The following ZFPM2 variants were observed in gnomAD, a reference collection of about 807,000 sequenced individuals.
ZFPM2 encodes the protein zinc finger protein, FOG family member 2.
A neutral mutation model predicts 98.6 loss-of-function variants in ZFPM2; 20 were observed. That is an observed-to-expected ratio of 0.20 (90% CI 0.14 to 0.29). The LOEUF (loss-of-function observed/expected upper bound fraction) is 0.29. Among genes scored for constraint, ZFPM2 ranks in the 10% least tolerant of loss-of-function variants. ZFPM2 has a pLI of 1.00. For synonymous variants in ZFPM2, 518 were observed against 502.7 expected (o/e 1.03, Z -0.41); for missense variants, 1,310 against 1,388.6 (o/e 0.94, Z 0.90).
At chr8:105,696,045 G>T (rs1353846571) in intron 5 of ZFPM2, among the ~76,000 whole-genome samples, 3 of 152,104 alleles carry the variant, frequency 2.0e-5, no homozygotes, top group Admixed American at 1.3e-4. Context: ...AGTAATTAGG[G>T]CTCATCTCTA....
chr8:105,632,733 GCTT>G (rs1563751140), intron 4 of ZFPM2, among the ~76,000 whole-genome samples: 1 of 152,024 alleles, frequency 6.6e-6, no homozygotes. Context: ...TTTTCGCAAG[GCTT>G]TTAGAGAACT....
At chr8:105,440,671 G>C (rs1812218805) in intron 2 of ZFPM2, among the ~76,000 whole-genome samples, 1 of 152,178 alleles carries the variant, frequency 6.6e-6, no homozygotes, top group African/African-American at 2.4e-5. Flanking sequence ...GGTCTCAAAA[G>C]ACACGAGAGA....
intron 4 of ZFPM2, among the ~76,000 whole-genome samples, chr8:105,571,545 T>C (rs1359009039): frequency 1.3e-5 from 2 of 152,228 alleles, no homozygotes; most frequent in Admixed American, 6.5e-5. Context: ...TTAAATTCTT[T>C]CTATTTGATG....
intron 3 of ZFPM2, among the ~76,000 whole-genome samples, chr8:105,517,707 C>CACCACACACACACACACACACACCA (rs61552974): frequency 3.2e-5 from 4 of 124,890 alleles, no homozygotes; most frequent in African/African-American, 1.3e-4. Flanking sequence ...CACACACACA[C>CACCACACACACACACACACACACCA]CACACACACA....
chr8:105,717,403 G>A (rs1017402075), intron 5 of ZFPM2, among the ~76,000 whole-genome samples: 4 of 151,944 alleles, frequency 2.6e-5, no homozygotes, highest in African/African-American at 4.8e-5. Context: ...GCAAGACCTA[G>A]TATTTACTAA....
chr8:105,327,288 A>G (rs1393543027), intron 1 of ZFPM2, among the ~76,000 whole-genome samples: 1 of 151,746 alleles, frequency 6.6e-6, no homozygotes, highest in Admixed American at 6.6e-5. Flanking sequence ...AATTTTAAAA[A>G]TATGAATAGA....
At chr8:105,428,561 C>T (rs535143708) in intron 2 of ZFPM2, among the ~76,000 whole-genome samples, 28 of 152,228 alleles carry the variant, frequency 1.8e-4, no homozygotes, top group African/African-American at 6.3e-4. Context: ...TGAGGACACA[C>T]CAAAATGTGT....
intron 3 of ZFPM2, among the ~76,000 whole-genome samples, chr8:105,530,463 A>G (rs1315962388): frequency 1.3e-5 from 2 of 152,186 alleles, no homozygotes; most frequent in Non-Finnish European, 2.9e-5. Flanking sequence ...TCGGGAGGCT[A>G]GAAGTCCAAG....
intron 5 of ZFPM2, among the ~76,000 whole-genome samples, chr8:105,735,527 T>C (rs1812046326): frequency 6.6e-6 from 1 of 151,910 alleles, no homozygotes; most frequent in African/African-American, 2.4e-5. Flanking sequence ...ATGAAAACAA[T>C]GTTTAGGAAA....
At chr8:105,427,670 T>C (rs1014715831) in intron 2 of ZFPM2, among the ~76,000 whole-genome samples, 12 of 152,200 alleles carry the variant, frequency 7.9e-5, no homozygotes, top group African/African-American at 2.7e-4. Context: ...ATGGGAAATG[T>C]AGAAAGCTGT....
intron 3 of ZFPM2, among the ~76,000 whole-genome samples, chr8:105,502,817 G>T (rs1272777610): frequency 1.3e-5 from 2 of 152,104 alleles, no homozygotes; most frequent in African/African-American, 4.8e-5. Context: ...CCATACTTGG[G>T]TTAGGTGAGT....
At chr8:105,535,992 T>C (rs868655773) in intron 3 of ZFPM2, among the ~76,000 whole-genome samples, 2 of 152,186 alleles carry the variant, frequency 1.3e-5, no homozygotes, top group South Asian at 4.1e-4. Context: ...GCATAGGCAA[T>C]AGGCCTTGAC....
chr8:105,726,389 C>A (rs1403303886), intron 5 of ZFPM2, among the ~76,000 whole-genome samples: 1 of 151,626 alleles, frequency 6.6e-6, no homozygotes, highest in Non-Finnish European at 1.5e-5. Flanking sequence ...TGTTAATAAT[C>A]CAGATTCATA....
chr8:105,444,431 C>G (rs777683436), intron 3 of ZFPM2, 50 bp downstream of exon 3: 1 of 1,410,370 alleles, frequency 7.1e-7, no homozygotes, highest in African/African-American at 1.4e-5. Context: ...GTTAGAAATA[C>G]ACATTTTTCT....
intron 5 of ZFPM2, among the ~76,000 whole-genome samples, chr8:105,654,360 C>T (rs191498306): frequency 2.6e-4 from 40 of 152,250 alleles, no homozygotes; most frequent in African/African-American, 9.1e-4. Flanking sequence ...GCAGGAACAT[C>T]AGTGAACGGA....
chr8:105,565,237 G>A (rs1323369200), intron 4 of ZFPM2, among the ~76,000 whole-genome samples: 1 of 152,042 alleles, frequency 6.6e-6, no homozygotes, highest in Admixed American at 6.6e-5. Flanking sequence ...GATGTATATA[G>A]AACATTTTAA....
intron 7 of ZFPM2, 42 bp from the exon 8 acceptor site, chr8:105,801,005 C>T: frequency 6.4e-7 from 1 of 1,554,836 alleles, no homozygotes; most frequent in Middle Eastern, 1.7e-4. Flanking sequence ...CAAAAACCAA[C>T]ACACATGTTT....
At chr8:105,549,463 T>C (rs2130654299) in intron 3 of ZFPM2, among the ~76,000 whole-genome samples, 1 of 151,740 alleles carries the variant, frequency 6.6e-6, no homozygotes, top group South Asian at 2.1e-4. Context: ...TTTACACTTG[T>C]TATTCTTGGG....
At chr8:105,670,051 T>C (rs1358482856) in intron 5 of ZFPM2, 1 of 152,190 alleles carries the variant, frequency 6.6e-6, no homozygotes, top group Non-Finnish European at 1.5e-5. Context: ...AGTCAAACTT[T>C]ATTCTTTTTT....
Sources: allele counts gnomAD v4.1 joint callset (sites outside exome capture counted in the v4.1 genomes callset), GRCh38; gene constraint gnomAD v4.1.1; transcripts MANE v1.5; gene names NCBI Gene and HGNC (gene_info 2026-07-23, HGNC 2026-07-21).